Variants in RASGEF1C observed in about 807,000 individuals in gnomAD.
The protein encoded by RASGEF1C is RasGEF domain family member 1C.
RASGEF1C carries 27 observed loss-of-function variants against 58.1 expected under a neutral mutation model. The ratio of observed to expected loss-of-function variants is 0.46; its 90% CI spans 0.34 to 0.64. The LOEUF is 0.64. Among genes scored for constraint, RASGEF1C ranks in the 30% least tolerant of loss-of-function variants. RASGEF1C has a pLI of 0.01. For missense variants in RASGEF1C, 502 were observed against 605.1 expected (o/e 0.83, Z 1.79); for synonymous variants, 243 against 246.3 (o/e 0.99, Z 0.13).
At chr5:180,206,085 G>A (rs1357707517) in intron 1 of RASGEF1C, among the ~76,000 whole-genome samples, 1 of 152,080 alleles carries the variant, frequency 6.6e-6, no homozygotes, top group African/African-American at 2.4e-5. Context: ...TCACCAGTAT[G>A]TGAACAGATG....
At chr5:180,199,519 G>A (rs17080096) in intron 1 of RASGEF1C, among the ~76,000 whole-genome samples, 17,839 of 152,204 alleles carry the variant, frequency 0.12, 1,202 homozygotes, top group East Asian at 0.21. Context: ...TCTGCACTCC[G>A]TCCCACGCTT....
At chr5:180,200,817 C>T (rs1756382038) in intron 1 of RASGEF1C, among the ~76,000 whole-genome samples, 3 of 152,010 alleles carry the variant, frequency 2.0e-5, no homozygotes, top group Admixed American at 6.5e-5. Context: ...CTGGTGTGGG[C>T]GAGGAAAGCC....
chr5:180,187,868 G>A (rs749134282), intron 1 of RASGEF1C, among the ~76,000 whole-genome samples: 4 of 152,228 alleles, frequency 2.6e-5, no homozygotes, highest in Non-Finnish European at 4.4e-5. Context: ...CAAGGATGTG[G>A]AGAAACGGGA....
chr5:180,110,338 A>G (rs1765938126), intron 12 of RASGEF1C, among the ~76,000 whole-genome samples: 2 of 151,976 alleles, frequency 1.3e-5, no homozygotes, highest in Non-Finnish European at 2.9e-5. Flanking sequence ...TATAAACAAT[A>G]AAATGGCAAA....
chr5:180,103,841 T>C (rs1765835997), intron 12 of RASGEF1C, among the ~76,000 whole-genome samples: 2 of 152,356 alleles, frequency 1.3e-5, no homozygotes, highest in East Asian at 3.9e-4. Flanking sequence ...GTCATGCTGA[T>C]AAATTCCCTT....
intron 3 of RASGEF1C, chr5:180,136,866 C>T (rs1001642179): frequency 9.0e-5 from 24 of 266,930 alleles, no homozygotes; most frequent in South Asian, 4.5e-4. Flanking sequence ...CATACGCCAT[C>T]GTGCACAGTG....
intron 1 of RASGEF1C, among the ~76,000 whole-genome samples, chr5:180,194,205 C>T (rs1264053196): frequency 6.6e-6 from 1 of 152,186 alleles, no homozygotes; most frequent in Non-Finnish European, 1.5e-5. Context: ...GCGCTCCTCT[C>T]TCTCCTCATT....
intron 1 of RASGEF1C, among the ~76,000 whole-genome samples, chr5:180,199,106 A>T (rs543259820): frequency 6.6e-6 from 1 of 152,128 alleles, no homozygotes; most frequent in Non-Finnish European, 1.5e-5. Context: ...GCTGGCAGAC[A>T]TGCAGCCCCC....
chr5:180,160,052 C>T (rs1200171214), intron 1 of RASGEF1C, among the ~76,000 whole-genome samples: 1 of 152,218 alleles, frequency 6.6e-6, no homozygotes, highest in Admixed American at 6.5e-5. Flanking sequence ...ATACTCCTGC[C>T]TCCAGGGCTC....
intron 1 of RASGEF1C, among the ~76,000 whole-genome samples, chr5:180,199,900 C>T (rs575546224): frequency 3.3e-5 from 5 of 152,260 alleles, no homozygotes; most frequent in African/African-American, 1.2e-4. Context: ...TAAGGTGATG[C>T]TGATGTCTTG....
At chr5:180,140,872 T>A (rs1561741472) in intron 1 of RASGEF1C, among the ~76,000 whole-genome samples, 1 of 151,854 alleles carries the variant, frequency 6.6e-6, no homozygotes, top group African/African-American at 2.4e-5. Context: ...GGGGGCAACG[T>A]GGTGTGATCA....
chr5:180,138,348 C>T (rs1045488114), intron 1 of RASGEF1C: 20 of 317,820 alleles, frequency 6.3e-5, no homozygotes, highest in African/African-American at 4.1e-4. Context: ...ATTCTTCCCC[C>T]CGGCACCCCT....
intron 1 of RASGEF1C, among the ~76,000 whole-genome samples, chr5:180,167,391 G>A (rs7714257): frequency 0.38 from 58,510 of 151,980 alleles, 13,454 homozygotes; most frequent in Non-Finnish European, 0.52. Context: ...GTGGGAAGGT[G>A]AGCCAGGAGA....
At position 180,137,746 on chromosome 5, in the gene RASGEF1C, A is replaced by G; in HGVS notation, c.178-34T>C. On this transcript the variant is annotated intron_variant, in intron 2 of 13. Coordinates refer to ENST00000361132, the MANE Select transcript of RASGEF1C (RefSeq NM_175062.4). The surrounding 1 kb of genome is among the most constrained non-coding windows in gnomAD (Gnocchi z 4.1). ...CACACGAGAAAGAGGGCACAGGCTC[A>G]GGAGGGCACCAGGAGGGGCATGCTT... The G allele has an allele frequency of 6.2e-7, 1 of 1,611,022 alleles. No homozygotes were observed. The highest frequency in any genetic ancestry group is 8.5e-7 in the Non-Finnish European group (1 of 1,178,598).
intron 1 of RASGEF1C, among the ~76,000 whole-genome samples, chr5:180,200,382 T>G (rs1756366179): frequency 7.6e-6 from 1 of 131,840 alleles, no homozygotes; most frequent in Non-Finnish European, 1.6e-5. Flanking sequence ...CGATCTAGGC[T>G]CACTGCAAGC....
At chr5:180,161,451 G>A (rs6870091) in intron 1 of RASGEF1C, among the ~76,000 whole-genome samples, 6,929 of 152,370 alleles carry the variant, frequency 0.045, 325 homozygotes, top group African/African-American at 0.12. Context: ...GGCAGCCAGG[G>A]GGGAACTGCC....
At chr5:180,151,280 A>G (rs1232754222) in intron 1 of RASGEF1C, among the ~76,000 whole-genome samples, 1 of 152,196 alleles carries the variant, frequency 6.6e-6, no homozygotes, top group Non-Finnish European at 1.5e-5. Context: ...AGCCAAAAGA[A>G]CAAAACTGGA....
rs368232404 is a variant in RASGEF1C at position 180,128,402 on chromosome 5, C to G, written c.639+8G>C. Reference sequence around the variant, plus strand: ...CCCGGGTGAGGAAGGTGGTTTGGGCCGGCTTACCAGTTCCACGTGGGTCAG... The same window carrying G: ...CCCGGGTGAGGAAGGTGGTTTGGGCGGGCTTACCAGTTCCACGTGGGTCAG... On this transcript the variant is annotated splice_region_variant and intron_variant, in intron 5 of 13. Transcript: ENST00000361132. 3 of 1,612,190 alleles carry G rather than the reference C, an allele frequency of 1.9e-6. No individual in the cohort carries two copies. Among genetic ancestry groups the G allele is most frequent in the Non-Finnish European group, 2.5e-6 (3 of 1,179,362 alleles).
chr5:180,119,548 A>C, intron 7 of RASGEF1C, 100 bp from the exon 8 acceptor site: 3 of 849,926 alleles, frequency 3.5e-6, no homozygotes, highest in Non-Finnish European at 5.8e-6. Flanking sequence ...CTCTAAACCC[A>C]TTGCACAGCT....
Sources: allele counts gnomAD v4.1 joint callset (sites outside exome capture counted in the v4.1 genomes callset), GRCh38; gene constraint gnomAD v4.1.1; non-coding constraint Gnocchi (gnomAD v3.1); transcripts MANE v1.5; gene names NCBI Gene and HGNC (gene_info 2026-07-23, HGNC 2026-07-21).